BMP6: variants seen among roughly 807,000 people sequenced by gnomAD.
BMP6 encodes the protein bone morphogenetic protein 6, also known as VG-1-R.
Under a neutral mutation model 54.1 loss-of-function variants are expected in BMP6, and 17 were observed. The ratio of observed to expected loss-of-function variants is 0.31; its 90% CI spans 0.22 to 0.47. The LOEUF (loss-of-function observed/expected upper bound fraction) is 0.47. Ranked by LOEUF, BMP6 falls within the 20% of genes least tolerant of loss-of-function variation. BMP6 has a pLI of 1.00. For missense variants in BMP6, 720 were observed against 690.4 expected, an observed-to-expected ratio of 1.04 and a Z score of -0.48; for synonymous variants, 328 against 291.2, an observed-to-expected ratio of 1.13 and a Z score of -1.28.
intron 1 of BMP6, among the ~76,000 whole-genome samples, chr6:7,828,311 TGG>T (rs760861832): frequency 3.9e-5 from 6 of 152,230 alleles, no homozygotes; most frequent in Admixed American, 2.6e-4. Context: ...TGCAAGGACG[TGG>T]GGATCCAAGT....
rs990220436 is a variant in BMP6, at chr6:7,798,969, A to G, written c.665-46171A>G. Among the ~76,000 whole-genome samples the G allele has an allele frequency of 2.0e-5, 3 of 152,184 alleles. No individual in the cohort carries two copies. In the South Asian group the frequency reaches 6.2e-4, roughly 32 times the overall value. ...CCTAGGGAGATTGGATCATCTCATT[A>G]CATCATTTTTAATTATTACCTCTTG... On this transcript the variant is annotated intron_variant, in intron 1 of 6. Coordinates refer to ENST00000283147, the MANE Select transcript of BMP6 (RefSeq NM_001718.6).
At chr6:7,878,682 G>A (rs1156975638) in intron 4 of BMP6, among the ~76,000 whole-genome samples, 1 of 152,164 alleles carries the variant, frequency 6.6e-6, no homozygotes, top group Non-Finnish European at 1.5e-5. Context: ...CTCCCTGTTT[G>A]GACTGCAGCA....
In BMP6 at chr6:7,740,350, G is replaced by A. The variant is rs144739707; in HGVS notation, c.664+12731G>A. ...TGCAGCACAGCTTTTCTCAAACTTT[G>A]TGCAACAACCACTTGTTTTTCAAAT... On this transcript the variant is annotated intron_variant, in intron 1 of 6. Transcript: ENST00000283147. Among the ~76,000 whole-genome samples the A allele has an allele frequency of 7.6e-3, 1,152 of 152,184 alleles. 7 individuals carry two copies. The highest frequency in any genetic ancestry group is 0.02 in the Middle Eastern group (6 of 294).
chr6:7,836,528 T>C (rs1374423987), intron 1 of BMP6, among the ~76,000 whole-genome samples: 1 of 152,212 alleles, frequency 6.6e-6, no homozygotes, highest in Non-Finnish European at 1.5e-5. Context: ...GGTTTTGATC[T>C]TGTACTTCAG....
chr6:7,782,877 T>A (rs1177103818), intron 1 of BMP6, among the ~76,000 whole-genome samples: 3 of 151,960 alleles, frequency 2.0e-5, no homozygotes, highest in Non-Finnish European at 2.9e-5. Context: ...GGAAAGGCAA[T>A]TAACAGTTTA....
chr6:7,852,571 T>C (rs1257205042), intron 2 of BMP6, among the ~76,000 whole-genome samples: 1 of 152,144 alleles, frequency 6.6e-6, no homozygotes, highest in African/African-American at 2.4e-5. Context: ...AGCAAGAACT[T>C]GTCTCAAAAA....
intron 1 of BMP6, among the ~76,000 whole-genome samples, chr6:7,842,292 A>C (rs1004411881): frequency 1.3e-5 from 2 of 152,172 alleles, no homozygotes; most frequent in African/African-American, 4.8e-5. Flanking sequence ...CATGCAAAGG[A>C]CATCCAAGAT....
At chr6:7,860,115 G>C (rs1759311450) in intron 2 of BMP6, among the ~76,000 whole-genome samples, 2 of 152,184 alleles carry the variant, frequency 1.3e-5, no homozygotes, top group South Asian at 4.1e-4. Flanking sequence ...TTGCTAGCTT[G>C]AGATCTTGAC....
At chr6:7,749,211 C>T (rs1245288391) in intron 1 of BMP6, among the ~76,000 whole-genome samples, 6 of 152,194 alleles carry the variant, frequency 3.9e-5, no homozygotes. Flanking sequence ...CTGTGCTTAG[C>T]TCGGATTGCC....
In BMP6 at chr6:7,819,114, TTGTG is replaced by T. The variant is rs1171155863; in HGVS notation, c.665-26021_665-26018del. On this transcript the variant is annotated intron_variant, in intron 1 of 6. Coordinates refer to ENST00000283147, the MANE Select transcript of BMP6 (RefSeq NM_001718.6). The stretch of plus-strand genomic sequence containing the variant: ...GCACACAGACAGGCGTGTGGTGTCT[TTGTG>T]TGTGAGTACATATGTGAGTGTGTGA... Among the ~76,000 whole-genome samples the T allele has an allele frequency of 4.6e-5, 7 of 152,060 alleles. No individual in the cohort carries two copies. The South Asian group carries it at 6.2e-4, about 14-fold the overall frequency.
chr6:7,750,945 C>T (rs1339208039), intron 1 of BMP6, among the ~76,000 whole-genome samples: 3 of 152,156 alleles, frequency 2.0e-5, no homozygotes, highest in African/African-American at 4.8e-5. Context: ...GGATCCATCT[C>T]AGGATACAGC....
At chr6:7,856,053 T>C (rs150070366) in intron 2 of BMP6, among the ~76,000 whole-genome samples, 113 of 148,874 alleles carry the variant, frequency 7.6e-4, no homozygotes, top group African/African-American at 2.6e-3. Context: ...AAGGTGCATT[T>C]GATATTTGAA....
intron 1 of BMP6, among the ~76,000 whole-genome samples, chr6:7,836,488 G>A (rs1292037454): frequency 6.6e-6 from 1 of 152,168 alleles, no homozygotes; most frequent in East Asian, 1.9e-4. Flanking sequence ...GTGTGGTCTA[G>A]TAAATGTATT....
intron 1 of BMP6, among the ~76,000 whole-genome samples, chr6:7,799,829 C>T (rs190913537): frequency 1.5e-3 from 231 of 151,854 alleles, no homozygotes; most frequent in Non-Finnish European, 2.6e-3. Flanking sequence ...ATTTTATTCT[C>T]TACTCTCATT....
At chr6:7,728,673 C>G (rs1475247271) in intron 1 of BMP6, among the ~76,000 whole-genome samples, 1 of 152,194 alleles carries the variant, frequency 6.6e-6, no homozygotes, top group African/African-American at 2.4e-5. Flanking sequence ...GCGGACAGAT[C>G]ATGGGTGCAC....
At chr6:7,801,431 C>A (rs1356593247) in intron 1 of BMP6, among the ~76,000 whole-genome samples, 2 of 152,190 alleles carry the variant, frequency 1.3e-5, no homozygotes, top group East Asian at 3.9e-4. Flanking sequence ...TCCTTAAGAG[C>A]AAACCCAGGT....
chr6:7,874,690 G>C (rs941607060), intron 4 of BMP6, among the ~76,000 whole-genome samples: 6 of 152,144 alleles, frequency 3.9e-5, no homozygotes, highest in Admixed American at 3.3e-4. Context: ...GGAGGCTGCA[G>C]TGAGCCATGA....
At chr6:7,865,343 G>T (rs1234607144) in intron 4 of BMP6, among the ~76,000 whole-genome samples, 1 of 152,056 alleles carries the variant, frequency 6.6e-6, no homozygotes, top group Non-Finnish European at 1.5e-5. Context: ...AGGCAAAAGG[G>T]TTCATACGAA....
intron 1 of BMP6, among the ~76,000 whole-genome samples, chr6:7,823,907 C>G (rs146017788): frequency 6.6e-6 from 1 of 152,262 alleles, no homozygotes; most frequent in African/African-American, 2.4e-5. Context: ...GGTTTTTGCT[C>G]TGAGGAGGAG....
Sources: gnomAD v4.1 joint callset for allele counts (sites outside exome capture counted in the v4.1 genomes callset) on GRCh38, gnomAD v4.1.1 for gene constraint, MANE v1.5 for transcripts, NCBI Gene and HGNC (gene_info 2026-07-23, HGNC 2026-07-21) for gene names.